SDK1: variants seen among roughly 807,000 people sequenced by gnomAD.
The protein encoded by SDK1 is protein sidekick-1.
Under a neutral mutation model 245.5 loss-of-function variants are expected in SDK1, and 157 were observed. That is an observed-to-expected ratio of 0.64 (90% CI 0.56 to 0.73). SDK1 has a LOEUF of 0.73. Among genes scored for constraint, SDK1 ranks in the 30% least tolerant of loss-of-function variants. The pLI is 0.00. For missense variants in SDK1, 3,583 were observed against 3,002.3 expected (o/e 1.19, Z -4.52); for synonymous variants, 1,647 against 1,278.5 (o/e 1.29, Z -6.15).
At chr7:4,108,523 G>A (rs1289233323) in intron 22 of SDK1, among the ~76,000 whole-genome samples, 1 of 152,116 alleles carries the variant, frequency 6.6e-6, no homozygotes, top group African/African-American at 2.4e-5. Flanking sequence ...CTCTGGCTGT[G>A]CAAGCTGCAC....
chr7:3,375,547 C>T (rs1562448856), intron 1 of SDK1, among the ~76,000 whole-genome samples: 1 of 152,100 alleles, frequency 6.6e-6, no homozygotes, highest in Non-Finnish European at 1.5e-5. Context: ...TGTGTGACTT[C>T]CAAGGGTAAA....
intron 28 of SDK1, among the ~76,000 whole-genome samples, chr7:4,143,281 T>C (rs1779706164): frequency 6.6e-6 from 1 of 152,134 alleles, no homozygotes; most frequent in Non-Finnish European, 1.5e-5. Flanking sequence ...GAATGATAAC[T>C]CTGTGGTCAT....
intron 5 of SDK1, among the ~76,000 whole-genome samples, chr7:3,949,726 A>G (rs1290360666): frequency 6.6e-6 from 1 of 152,226 alleles, no homozygotes; most frequent in Non-Finnish European, 1.5e-5. Flanking sequence ...ATTTTAGAGA[A>G]AAGCGGCAAA....
chr7:3,364,364 G>A (rs1210593612), intron 1 of SDK1, among the ~76,000 whole-genome samples: 1 of 152,092 alleles, frequency 6.6e-6, no homozygotes, highest in Non-Finnish European at 1.5e-5. Context: ...GCCTAGACTT[G>A]GATCCTGAAA....
chr7:3,548,828 G>A (rs977875798), intron 1 of SDK1, among the ~76,000 whole-genome samples: 3 of 152,170 alleles, frequency 2.0e-5, no homozygotes, highest in African/African-American at 7.2e-5. Context: ...GGGAGAAGCT[G>A]ATATTTTGTA....
At chr7:4,019,440 G>C (rs1786687826) in intron 17 of SDK1, among the ~76,000 whole-genome samples, 1 of 152,162 alleles carries the variant, frequency 6.6e-6, no homozygotes, top group Non-Finnish European at 1.5e-5. Context: ...TGGGGTGCAG[G>C]GTTCCCCTAA....
chr7:3,981,026 C>T lies in SDK1; in HGVS notation c.1995-6160C>T, dbSNP rs370840322. 9.2e-5 allele frequency among the ~76,000 whole-genome samples: 14 copies of T among 152,200 alleles called. No homozygotes were observed. In the East Asian group the frequency reaches 1.9e-3, roughly 21 times the overall value. ...TCTATTGCATGCCTCAGGTATTGCA[C>T]GTTTGTTTTTGTTATTTACAAACTG... On this transcript the variant is annotated intron_variant, in intron 13 of 44. Coordinates refer to ENST00000404826, the MANE Select transcript of SDK1 (RefSeq NM_152744.4).
chr7:3,855,017 C>T (rs1299896159), intron 5 of SDK1, among the ~76,000 whole-genome samples: 1 of 152,084 alleles, frequency 6.6e-6, no homozygotes, highest in East Asian at 1.9e-4. Flanking sequence ...ACGTCCTAAT[C>T]CAGCCCTGCT....
chr7:3,877,659 A>G (rs1781107250), intron 5 of SDK1, among the ~76,000 whole-genome samples: 1 of 152,258 alleles, frequency 6.6e-6, no homozygotes, highest in Non-Finnish European at 1.5e-5. Context: ...CCTATCACAC[A>G]GAGTTAACCA....
chr7:3,943,041 C>T (rs902145855), intron 5 of SDK1, among the ~76,000 whole-genome samples: 13 of 152,054 alleles, frequency 8.5e-5, no homozygotes, highest in Non-Finnish European at 1.3e-4. Flanking sequence ...CTGGCTGCTG[C>T]GAAAGTTTCA....
chr7:3,602,912 C>T (rs1781295503), intron 1 of SDK1, among the ~76,000 whole-genome samples: 1 of 152,042 alleles, frequency 6.6e-6, no homozygotes, highest in African/African-American at 2.4e-5. Context: ...CCAGTTTTCC[C>T]AGCACCATTT....
chr7:3,965,353 A>C (rs1782008717), intron 9 of SDK1, among the ~76,000 whole-genome samples: 1 of 152,170 alleles, frequency 6.6e-6, no homozygotes, highest in South Asian at 2.1e-4. Flanking sequence ...AACCAAACCC[A>C]GATTATAGGA....
chr7:4,036,058 C>A (rs186095404), intron 17 of SDK1, among the ~76,000 whole-genome samples: 13 of 152,272 alleles, frequency 8.5e-5, no homozygotes, highest in Admixed American at 4.6e-4. Context: ...ATTTTCTACA[C>A]CGGATTTTAT....
intron 1 of SDK1, among the ~76,000 whole-genome samples, chr7:3,447,663 T>A (rs948672001): frequency 6.6e-6 from 1 of 151,680 alleles, no homozygotes; most frequent in African/African-American, 2.4e-5. Context: ...GTTTCTGTTA[T>A]AAACAATGAG....
chr7:3,522,365 A>G (rs1191587101), intron 1 of SDK1, among the ~76,000 whole-genome samples: 1 of 152,210 alleles, frequency 6.6e-6, no homozygotes, highest in East Asian at 1.9e-4. Context: ...TCTCCAGTAG[A>G]AGTGAAATTC....
intron 1 of SDK1, among the ~76,000 whole-genome samples, chr7:3,522,476 G>A (rs1583993896): frequency 6.6e-6 from 1 of 152,046 alleles, no homozygotes. Context: ...CACGTACATG[G>A]CATAAAATAA....
chr7:3,524,566 A>G (rs60080946), intron 1 of SDK1, among the ~76,000 whole-genome samples: 5,269 of 152,226 alleles, frequency 0.035, 323 homozygotes, highest in African/African-American at 0.12. Context: ...ACACTTGTAC[A>G]TGTACCTGTA....
chr7:3,691,701 T>C (rs1784440959), intron 4 of SDK1, among the ~76,000 whole-genome samples: 1 of 152,208 alleles, frequency 6.6e-6, no homozygotes, highest in South Asian at 2.1e-4. Flanking sequence ...ACACACCCCT[T>C]GCTGGAAGGT....
intron 4 of SDK1, among the ~76,000 whole-genome samples, chr7:3,713,076 G>T (rs1288745656): frequency 6.6e-6 from 1 of 152,252 alleles, no homozygotes; most frequent in African/African-American, 2.4e-5. Flanking sequence ...GGAGGCAGGT[G>T]CTGCGTCCCT....
Sources: allele counts gnomAD v4.1 joint callset (sites outside exome capture counted in the v4.1 genomes callset), GRCh38; gene constraint gnomAD v4.1.1; transcripts MANE v1.5; gene names NCBI Gene and HGNC (gene_info 2026-07-23, HGNC 2026-07-21).